The following TCF7L2 variants were observed in gnomAD, a reference collection of about 807,000 sequenced individuals.
TCF7L2 encodes the protein transcription factor 7-like 2.
TCF7L2 carries 23 observed loss-of-function variants against 77.9 expected under a neutral mutation model. The observed-to-expected ratio is 0.30, with a 90% CI of 0.21 to 0.42. The LOEUF (loss-of-function observed/expected upper bound fraction) is 0.42, where lower values mean the gene tolerates loss of function less well. Among genes scored for constraint, TCF7L2 ranks in the 10% least tolerant of loss-of-function variants. The pLI, the probability that TCF7L2 is intolerant of heterozygous loss-of-function variation, is 1.00. For missense variants in TCF7L2, 654 were observed against 793.1 expected (o/e 0.82, Z 2.11); for synonymous variants, 413 against 340.2 (o/e 1.21, Z -2.36).
intron 12 of TCF7L2, chr10:113,159,977 G>A: frequency 6.2e-7 from 1 of 1,613,684 alleles, no homozygotes; most frequent in Non-Finnish European, 8.5e-7. Context: ...CAGAATAACT[G>A]GTGCGGCCCT....
intron 5 of TCF7L2, among the ~76,000 whole-genome samples, chr10:113,122,692 A>G (rs1230543868): frequency 2.6e-5 from 4 of 152,230 alleles, no homozygotes; most frequent in Non-Finnish European, 5.9e-5. Flanking sequence ...GTAGGTATTT[A>G]CTAGGAAAGG....
At chr10:113,113,655 T>A (rs966408030) in intron 5 of TCF7L2, among the ~76,000 whole-genome samples, 1 of 152,214 alleles carries the variant, frequency 6.6e-6, no homozygotes, top group African/African-American at 2.4e-5. Context: ...AACTGTGTGG[T>A]TTCTCTTATT....
intron 5 of TCF7L2, among the ~76,000 whole-genome samples, chr10:113,137,421 T>G (rs1478964491): frequency 6.6e-6 from 1 of 152,240 alleles, no homozygotes; most frequent in East Asian, 1.9e-4. Context: ...TTCACAACTC[T>G]GCGAGGTAGA....
chr10:112,994,209 G>A (rs1490314989), intron 4 of TCF7L2, among the ~76,000 whole-genome samples: 1 of 151,976 alleles, frequency 6.6e-6, no homozygotes, highest in Admixed American at 6.6e-5. Flanking sequence ...CCTCACCCCC[G>A]AGGAGAAACC....
intron 4 of TCF7L2, among the ~76,000 whole-genome samples, chr10:113,039,106 T>A (rs555984444): frequency 5.9e-5 from 9 of 152,326 alleles, no homozygotes; most frequent in African/African-American, 2.2e-4. Flanking sequence ...TGTCTTAATG[T>A]TACCAACAGA....
At chr10:113,033,225 TTCTC>T (rs146477223) in intron 4 of TCF7L2, among the ~76,000 whole-genome samples, 1 of 149,170 alleles carries the variant, frequency 6.7e-6, no homozygotes, top group African/African-American at 2.5e-5. Context: ...CTTCTGCTGC[TTCTC>T]TCTCTCTCTC....
rs202223977 is a variant in TCF7L2, at chr10:112,985,747, GC to G, written c.450+21131del. Reference sequence around the variant, plus strand: ...TGGGTGGGGTCCCCTAGAGGTGAATGCCCCCCCCTTCACTTGGGATGGAGGC... The same window carrying G: ...TGGGTGGGGTCCCCTAGAGGTGAATGCCCCCCCTTCACTTGGGATGGAGGC... On this transcript the variant is annotated intron_variant, in intron 4 of 13. Transcript: ENST00000627217. Among the ~76,000 whole-genome samples the G allele has an allele frequency of 5.5e-4, 83 of 151,630 alleles. 1 individual carries two copies. Among genetic ancestry groups the G allele is most frequent in the African/African-American group, 1.9e-3 (77 of 41,316 alleles).
At chr10:113,117,422 TCTCTCTCTCTCC>T (rs1482639498) in intron 5 of TCF7L2, among the ~76,000 whole-genome samples, 776 of 37,924 alleles carry the variant, frequency 0.02, 106 homozygotes, top group East Asian at 0.039. Context: ...TCTCTCTCTC[TCTCTCTCTCTCC>T]CTCTCTCTCT....
At chr10:112,957,219 G>A (rs1476943876) in intron 3 of TCF7L2, among the ~76,000 whole-genome samples, 1 of 30,966 alleles carries the variant, frequency 3.2e-5, no homozygotes, top group African/African-American at 1.4e-4. Flanking sequence ...TTTTTTTTGA[G>A]ATTACATTGC....
chr10:112,979,783 TAAAC>T (rs2040147412), intron 4 of TCF7L2, among the ~76,000 whole-genome samples: 1 of 150,040 alleles, frequency 6.7e-6, no homozygotes, highest in South Asian at 2.1e-4. Flanking sequence ...ATAAAAAAAA[TAAAC>T]GAAGACCTCA....
chr10:113,036,161 C>CATCA (rs2051203672), intron 4 of TCF7L2, among the ~76,000 whole-genome samples: 1 of 138,276 alleles, frequency 7.2e-6, no homozygotes, highest in South Asian at 2.3e-4. Context: ...TCATCATCAT[C>CATCA]ATCTGCCCTT....
intron 12 of TCF7L2, among the ~76,000 whole-genome samples, chr10:113,160,305 C>A (rs1423525552): frequency 6.6e-6 from 1 of 151,966 alleles, no homozygotes; most frequent in Non-Finnish European, 1.5e-5. Context: ...GGATCGGAAT[C>A]CTGGCCTAGG....
intron 4 of TCF7L2, among the ~76,000 whole-genome samples, chr10:112,984,252 C>T (rs1386967455): frequency 1.3e-5 from 2 of 152,176 alleles, no homozygotes; most frequent in Admixed American, 6.5e-5. Context: ...CTTCCCCAGC[C>T]CCCTTCAGAA....
At chr10:113,074,623 T>A (rs1236884945) in intron 5 of TCF7L2, among the ~76,000 whole-genome samples, 3 of 152,200 alleles carry the variant, frequency 2.0e-5, no homozygotes, top group Non-Finnish European at 4.4e-5. Flanking sequence ...CATATTTTGC[T>A]GGGTTTCCTG....
Position 113,076,208 on chromosome 10 carries a change from G to A in TCF7L2, c.552+36082G>A, listed in dbSNP as rs911272468. Among the ~76,000 whole-genome samples, 6 of 150,826 alleles carry A rather than the reference G, an allele frequency of 4.0e-5. No individual in the cohort carries two copies. In the South Asian group the frequency reaches 1.3e-3, roughly 32 times the overall value. On this transcript the variant is annotated intron_variant, in intron 5 of 13. Transcript: ENST00000627217. ...GCTGGGATATACTGACTTGATCATA[G>A]CTCACTGCAACCTTTAGCTCCTGGA...
intron 5 of TCF7L2, chr10:113,129,286 C>G (rs970202011): frequency 2.0e-6 from 2 of 985,576 alleles, no homozygotes; most frequent in African/African-American, 3.5e-5. Flanking sequence ...AAGTGCCTGC[C>G]TCCTGCACTC....
Position 113,118,535 on chromosome 10 carries a change from G to GTGTGTA in TCF7L2, c.553-22644_553-22643insATGTGT. Among the ~76,000 whole-genome samples the GTGTGTA allele has an allele frequency of 2.6e-5, 4 of 151,414 alleles. No homozygotes were observed. The Middle Eastern group carries it at 0.014, about 515-fold the overall frequency. ...TCATCTGGGGGGTGTGTGTGTGTGT[G>GTGTGTA]TGTGTGTGTGTGTGTGTGTTTGTTC... On this transcript the variant is annotated intron_variant, in intron 5 of 13. Coordinates refer to ENST00000627217, the MANE Select transcript of TCF7L2 (RefSeq NM_001146274.2).
intron 8 of TCF7L2, among the ~76,000 whole-genome samples, chr10:113,147,860 G>A (rs2069815234): frequency 6.6e-6 from 1 of 152,158 alleles, no homozygotes; most frequent in South Asian, 2.1e-4. Context: ...AGGTGGGCAT[G>A]GGGGTGGAGG....
At chr10:112,951,171 G>A in intron 1 of TCF7L2, 36 bp from the exon 2 acceptor site, 1 of 1,528,160 alleles carries the variant, frequency 6.5e-7, no homozygotes, top group Non-Finnish European at 8.8e-7. Context: ...CGTGGCGTTT[G>A]CCCCTCGCCC....
Sources: allele counts gnomAD v4.1 joint callset (sites outside exome capture counted in the v4.1 genomes callset), GRCh38; gene constraint gnomAD v4.1.1; transcripts MANE v1.5; gene names NCBI Gene and HGNC (gene_info 2026-07-23, HGNC 2026-07-21).